Variants in RLN2 observed in about 807,000 individuals in gnomAD.
RLN2 encodes prorelaxin H2.
Under a neutral mutation model 7.3 loss-of-function variants are expected in RLN2, and 10 were observed. The observed-to-expected ratio is 1.36, with a 90% confidence interval of 0.84 to 2.31. The LOEUF is 2.31. Ranked by LOEUF, RLN2 falls within the 30% of genes most tolerant of loss-of-function variation. The pLI is 0.00. For synonymous variants in RLN2, 103 were observed against 82.3 expected (o/e 1.25, Z -1.36); for missense variants, 298 against 217.6 (o/e 1.37, Z -2.32).
chr9:5,327,623 T>C, the RLN2 span, among the ~76,000 whole-genome samples: 7 of 152,014 alleles, frequency 4.6e-5, no homozygotes, highest in African/African-American at 1.7e-4. Flanking sequence ...CTGACCCCTG[T>C]GTAGCCTGAC....
chr9:5,335,353 GC>G, the RLN2 span: 4 of 1,613,426 alleles, frequency 2.5e-6, no homozygotes, highest in South Asian at 4.4e-5. Context: ...GAGTATCCAA[GC>G]CTAAGTATTT....
chr9:5,335,218 A>T, the RLN2 span: 1 of 1,386,202 alleles, frequency 7.2e-7, no homozygotes, highest in African/African-American at 1.5e-5. Context: ...CTATGTGTGA[A>T]AATTAGACAA....
chr9:5,308,499 G>T (rs1816292571), upstream of RLN2, among the ~76,000 whole-genome samples: 2 of 151,924 alleles, frequency 1.3e-5, no homozygotes, highest in African/African-American at 4.8e-5. Context: ...TTACTGTTAT[G>T]CTGGGCATTG....
chr9:5,301,949 T>C (rs987570881), intron 1 of RLN2, among the ~76,000 whole-genome samples: 4 of 152,190 alleles, frequency 2.6e-5, no homozygotes, highest in African/African-American at 7.2e-5. Flanking sequence ...ATGAGAGGTT[T>C]TGGCATTTCC....
chr9:5,317,995 T>TGC, the RLN2 span, among the ~76,000 whole-genome samples: 1 of 117,492 alleles, frequency 8.5e-6, no homozygotes, highest in Admixed American at 9.2e-5. Flanking sequence ...AACAAAACTA[T>TGC]GTGTGTGTGT....
chr9:5,336,104 A>G, the RLN2 span, among the ~76,000 whole-genome samples: 2 of 152,062 alleles, frequency 1.3e-5, no homozygotes, highest in Admixed American at 1.3e-4. Flanking sequence ...ATAAAGTTAA[A>G]GAGGCAGCAT....
chr9:5,335,186 C>A, the RLN2 span: 1 of 907,960 alleles, frequency 1.1e-6, no homozygotes, highest in Admixed American at 2.7e-5. Flanking sequence ...CTGACAGAAG[C>A]ATCAGTGAAA....
At chr9:5,313,034 G>C in the RLN2 span, among the ~76,000 whole-genome samples, 1 of 152,006 alleles carries the variant, frequency 6.6e-6, no homozygotes, top group Non-Finnish European at 1.5e-5. Context: ...GTGTGTGCAT[G>C]AAAAGAATGT....
intron 1 of RLN2, among the ~76,000 whole-genome samples, chr9:5,302,005 C>T (rs1368505674): frequency 6.6e-6 from 1 of 152,110 alleles, no homozygotes; most frequent in East Asian, 1.9e-4. Flanking sequence ...TCATAAAAAC[C>T]TCTCTTTGAT....
At chr9:5,306,165 T>A (rs1202256354), upstream of RLN2, among the ~76,000 whole-genome samples, 7 of 149,188 alleles carry the variant, frequency 4.7e-5, no homozygotes, top group African/African-American at 7.5e-5. Context: ...TGGAGTGCAA[T>A]GGTGTGATCT....
chr9:5,318,916 A>T, the RLN2 span, among the ~76,000 whole-genome samples: 1 of 151,938 alleles, frequency 6.6e-6, no homozygotes, highest in Non-Finnish European at 1.5e-5. Flanking sequence ...TGGCAATAAG[A>T]AAAGGGCCAA....
chr9:5,301,339 C>A (rs1459124668), intron 1 of RLN2, among the ~76,000 whole-genome samples: 1 of 152,166 alleles, frequency 6.6e-6, no homozygotes, highest in African/African-American at 2.4e-5. Flanking sequence ...CATCTTTGCA[C>A]CCATTCAGCT....
At chr9:5,321,184 G>C in the RLN2 span, among the ~76,000 whole-genome samples, 4 of 152,032 alleles carry the variant, frequency 2.6e-5, no homozygotes, top group African/African-American at 9.7e-5. Context: ...AAATATTTTA[G>C]TGGTAAGTAT....
At chr9:5,335,165 AT>A in the RLN2 span, 2 of 715,336 alleles carry the variant, frequency 2.8e-6, no homozygotes, top group African/African-American at 3.6e-5. Flanking sequence ...TATTCTAATA[AT>A]TAGTGGGACC....
chr9:5,319,844 A>G, the RLN2 span, among the ~76,000 whole-genome samples: 1 of 152,038 alleles, frequency 6.6e-6, no homozygotes, highest in Admixed American at 6.6e-5. Flanking sequence ...TTCTTTATGA[A>G]GTCAGAAAAT....
chr9:5,328,064 A>T, the RLN2 span, among the ~76,000 whole-genome samples: 2 of 152,072 alleles, frequency 1.3e-5, no homozygotes, highest in African/African-American at 4.8e-5. Context: ...AATGAGTTCG[A>T]CAAGTTGACA....
chr9:5,316,799 G>T, the RLN2 span, among the ~76,000 whole-genome samples: 1 of 151,900 alleles, frequency 6.6e-6, no homozygotes, highest in African/African-American at 2.4e-5. Flanking sequence ...AATCCTTTGG[G>T]TATATACCCA....
chr9:5,305,245 C>T (rs1816221174), upstream of RLN2, among the ~76,000 whole-genome samples: 1 of 151,774 alleles, frequency 6.6e-6, no homozygotes. Flanking sequence ...ATTTACAAAA[C>T]AATTTCTCCA....
At chr9:5,331,660 C>T in the RLN2 span, among the ~76,000 whole-genome samples, 2 of 105,682 alleles carry the variant, frequency 1.9e-5, no homozygotes, top group African/African-American at 7.0e-5. Flanking sequence ...CACACAGGGG[C>T]ATCTAGGGGG....
Sources: gnomAD v4.1 joint callset for allele counts (sites outside exome capture counted in the v4.1 genomes callset) on GRCh38, gnomAD v4.1.1 for gene constraint, MANE v1.5 for transcripts, NCBI Gene and HGNC (gene_info 2026-07-23, HGNC 2026-07-21) for gene names.